Variants in EXOC6 observed in about 807,000 individuals in gnomAD.
EXOC6 encodes the protein exocyst complex component 6.
In EXOC6, 60 loss-of-function variants were observed where a neutral mutation model predicts 112.5. The observed-to-expected ratio is 0.53, with a 90% confidence interval of 0.43 to 0.66. The LOEUF (loss-of-function observed/expected upper bound fraction) is 0.66. Ranked by LOEUF, EXOC6 falls within the 30% of genes least tolerant of loss-of-function variation. The pLI, the probability that EXOC6 is intolerant of heterozygous loss-of-function variation, is 0.00. For synonymous variants in EXOC6, 295 were observed against 308.0 expected (o/e 0.96, Z 0.44); for missense variants, 855 against 957.1 (o/e 0.89, Z 1.41).
chr10:93,051,967 G>A (rs1447625822), intron 20 of EXOC6, among the ~76,000 whole-genome samples: 17 of 152,212 alleles, frequency 1.1e-4, no homozygotes, highest in Non-Finnish European at 2.5e-4. Flanking sequence ...TTGGGGGACT[G>A]AGGTTGACCC....
At chr10:92,908,255 A>C (rs1025181955) in intron 5 of EXOC6, among the ~76,000 whole-genome samples, 1 of 151,642 alleles carries the variant, frequency 6.6e-6, no homozygotes, top group South Asian at 2.1e-4. Context: ...GAGTTTCACC[A>C]CATTGGCCAG....
At chr10:92,902,731 C>G (rs765049404) in intron 5 of EXOC6, among the ~76,000 whole-genome samples, 2 of 152,108 alleles carry the variant, frequency 1.3e-5, no homozygotes, top group Non-Finnish European at 1.5e-5. Flanking sequence ...AGAATACTTC[C>G]ATTACCCCCA....
intron 6 of EXOC6, among the ~76,000 whole-genome samples, 191 bp from the exon 7 acceptor site, chr10:92,915,565 ATT>A (rs1172917198): frequency 1.2e-4 from 13 of 109,214 alleles, no homozygotes; most frequent in Non-Finnish European, 1.8e-4. Context: ...TGAGACCCTG[ATT>A]TTTTTTTTTT....
At chr10:92,828,635 GTT>G (rs11361269) in intron 1 of EXOC6, among the ~76,000 whole-genome samples, 296 of 127,122 alleles carry the variant, frequency 2.3e-3, no homozygotes, top group Middle Eastern at 0.013. Flanking sequence ...TGCCCCGCCA[GTT>G]TTTTTTTTTT....
intron 20 of EXOC6, among the ~76,000 whole-genome samples, chr10:93,049,497 G>A (rs1319479500): frequency 2.6e-5 from 4 of 152,180 alleles, no homozygotes; most frequent in Non-Finnish European, 5.9e-5. Context: ...ATGCTACAAC[G>A]TGATGAACCT....
intron 20 of EXOC6, among the ~76,000 whole-genome samples, chr10:93,020,623 A>G (rs986958234): frequency 6.6e-6 from 1 of 152,118 alleles, no homozygotes; most frequent in Non-Finnish European, 1.5e-5. Context: ...ACAGCTGTTT[A>G]ATTGGACTGG....
At chr10:92,906,124 A>G (rs1051732084) in intron 5 of EXOC6, among the ~76,000 whole-genome samples, 1 of 152,096 alleles carries the variant, frequency 6.6e-6, no homozygotes, top group Admixed American at 6.5e-5. Context: ...CCTTGCTCTG[A>G]AATCTGTTTA....
chr10:93,031,480 C>T (rs955915630), intron 20 of EXOC6, among the ~76,000 whole-genome samples: 2 of 148,242 alleles, frequency 1.3e-5, no homozygotes, highest in African/African-American at 2.5e-5. Context: ...GTAGTCCATG[C>T]GTTTTCTTTC....
At chr10:93,035,061 T>C (rs1305868612) in intron 20 of EXOC6, among the ~76,000 whole-genome samples, 1 of 152,210 alleles carries the variant, frequency 6.6e-6, no homozygotes, top group East Asian at 1.9e-4. Context: ...TACATTTGGG[T>C]TTACTTCTGA....
intron 20 of EXOC6, among the ~76,000 whole-genome samples, chr10:93,039,101 C>G (rs2134323548): frequency 6.6e-6 from 1 of 152,174 alleles, no homozygotes; most frequent in Middle Eastern, 3.4e-3. Flanking sequence ...TCAATAGTGA[C>G]CTCTTCAGAG....
intron 13 of EXOC6, among the ~76,000 whole-genome samples, chr10:92,947,802 G>A (rs1853126424): frequency 6.6e-6 from 1 of 152,206 alleles, no homozygotes; most frequent in Admixed American, 6.5e-5. Context: ...TACTTGGGAG[G>A]CTGAGGCAGC....
chr10:93,014,222 A>T lies in EXOC6; in HGVS notation c.2124A>T (p.Gly708=). ...TTGCCAGCTCTGAGCCTGTGCCAGG[A>T]TTCCAGGGGGATACCCTGCAGCTAG... is the stretch of plus-strand genomic sequence containing the variant. ...ELFASSEPVP[G]FQGDTLQLAF... The change falls in exon 20 of 22, where the codon GGA becomes GGT. Residue 708 remains glycine, a synonymous_variant. Coordinates refer to ENST00000260762, the MANE Select transcript of EXOC6 (RefSeq NM_019053.6). The T allele has an allele frequency of 6.2e-7, 1 of 1,613,452 alleles. No individual in the cohort carries two copies. Among genetic ancestry groups the T allele is most frequent in the Non-Finnish European group, 8.5e-7 (1 of 1,179,726 alleles).
rs768071365 is a variant in EXOC6, at chr10:92,938,646, T to G, written c.1213-2081T>G. Among the ~76,000 whole-genome samples the G allele has an allele frequency of 5.3e-5, 8 of 152,194 alleles. No homozygotes were observed. The South Asian group carries it at 1.0e-3, about 20-fold the overall frequency. ...ACAAGTAAACATTTATTGATTCCTT[T>G]ATTAACATTTTTTGAGTACCCAATA... On this transcript the variant is annotated intron_variant, in intron 12 of 21. Coordinates refer to ENST00000260762, the MANE Select transcript of EXOC6 (RefSeq NM_019053.6).
chr10:92,995,980 C>G (rs977172275), intron 18 of EXOC6, among the ~76,000 whole-genome samples: 5 of 151,994 alleles, frequency 3.3e-5, no homozygotes, highest in Admixed American at 2.0e-4. Context: ...TATTTATGTT[C>G]TTTATTACCT....
intron 1 of EXOC6, among the ~76,000 whole-genome samples, chr10:92,853,053 A>G (rs1415807881): frequency 6.6e-6 from 1 of 152,332 alleles, no homozygotes; most frequent in East Asian, 1.9e-4. Flanking sequence ...GAGTTTAGCA[A>G]GGTTGTAGGA....
At chr10:92,882,233 C>T (rs949960401) in intron 1 of EXOC6, among the ~76,000 whole-genome samples, 1 of 151,916 alleles carries the variant, frequency 6.6e-6, no homozygotes, top group Non-Finnish European at 1.5e-5. Context: ...TTGAGCAAAC[C>T]TTTTGTGCAT....
intron 1 of EXOC6, among the ~76,000 whole-genome samples, chr10:92,881,254 G>A (rs1208004222): frequency 1.3e-5 from 2 of 152,156 alleles, no homozygotes; most frequent in African/African-American, 4.8e-5. Flanking sequence ...AAGGAGGCAG[G>A]TAGATATTGC....
intron 11 of EXOC6, among the ~76,000 whole-genome samples, chr10:92,935,223 A>G (rs1852277898): frequency 6.6e-6 from 1 of 151,936 alleles, no homozygotes; most frequent in Non-Finnish European, 1.5e-5. Flanking sequence ...GCATATTAAT[A>G]AAGAACAATA....
At chr10:93,017,319 G>A (rs992450143) in intron 20 of EXOC6, among the ~76,000 whole-genome samples, 6 of 151,902 alleles carry the variant, frequency 3.9e-5, no homozygotes, top group Admixed American at 3.9e-4. Context: ...GGCTGGGCAC[G>A]GTGGCTCACA....
Sources: allele counts gnomAD v4.1 joint callset (sites outside exome capture counted in the v4.1 genomes callset), GRCh38; gene constraint gnomAD v4.1.1; transcripts MANE v1.5; gene names NCBI Gene and HGNC (gene_info 2026-07-23, HGNC 2026-07-21).